Variants in SPEF2 observed in about 807,000 individuals in gnomAD.
SPEF2 encodes the protein sperm flagellar and cilia associated 2.
SPEF2 carries 187 observed loss-of-function variants against 224.6 expected under a neutral mutation model. The ratio of observed to expected loss-of-function variants is 0.83; its 90% CI spans 0.74 to 0.94. The LOEUF (loss-of-function observed/expected upper bound fraction) is 0.94, where lower values mean the gene tolerates loss of function less well. Ranked by LOEUF, SPEF2 falls within the 40% of genes least tolerant of loss-of-function variation. The pLI, the probability that SPEF2 is intolerant of heterozygous loss-of-function variation, is 0.00. For synonymous variants in SPEF2, 715 were observed against 707.3 expected (o/e 1.01, Z -0.17); for missense variants, 2,170 against 2,135.6 (o/e 1.02, Z -0.32).
chr5:35,648,528 G>A, intron 5 of SPEF2, among the ~76,000 whole-genome samples: 1 of 152,012 alleles, frequency 6.6e-6, no homozygotes, highest in Non-Finnish European at 1.5e-5. Context: ...GGGACTACAG[G>A]TCCGCAAGGC....
intron 1 of SPEF2, among the ~76,000 whole-genome samples, chr5:35,620,989 G>A (rs769052650): frequency 4.6e-5 from 7 of 152,306 alleles, no homozygotes; most frequent in Non-Finnish European, 8.8e-5. Flanking sequence ...TTACCCTGGG[G>A]AAGTGGAAGA....
At chr5:35,701,812 C>T (rs1466445869) in intron 16 of SPEF2, among the ~76,000 whole-genome samples, 3 of 152,064 alleles carry the variant, frequency 2.0e-5, no homozygotes, top group Non-Finnish European at 4.4e-5. Flanking sequence ...GGCCCTGTCT[C>T]TACAAAAAAT....
intron 1 of SPEF2, among the ~76,000 whole-genome samples, chr5:35,625,796 A>G (rs1372659012): frequency 6.6e-6 from 1 of 152,166 alleles, no homozygotes; most frequent in Non-Finnish European, 1.5e-5. Flanking sequence ...CATGGTGGCA[A>G]CGAGAGCTTT....
chr5:35,688,971 T>C (rs1754045511), intron 10 of SPEF2, among the ~76,000 whole-genome samples: 1 of 152,326 alleles, frequency 6.6e-6, no homozygotes, highest in Middle Eastern at 3.4e-3. Flanking sequence ...TGGGATGTTG[T>C]TTTTGTCAAT....
rs1580469495 is a variant in SPEF2, at chr5:35,727,552, A to G, written c.2915-123A>G. ...TAAGGATTTTTTGTAAGACTCCTCA[A>G]AAAAGCTTAAAAAGTAGTTAATGAA... On this transcript the variant is annotated intron_variant, in intron 20 of 36. Transcript: ENST00000356031. The G allele has an allele frequency of 7.8e-6, 6 of 770,024 alleles. No homozygotes were observed. In the East Asian group the frequency reaches 1.7e-4, roughly 22 times the overall value. The allele number at this position is 770,024 out of a possible 1,614,324, so 47.7% of individuals were successfully genotyped here.
At chr5:35,636,975 C>CA (rs1168479903) in intron 2 of SPEF2, among the ~76,000 whole-genome samples, 1,704 of 58,248 alleles carry the variant, frequency 0.029, 33 homozygotes, top group East Asian at 0.17. Context: ...GACTCTGTCT[C>CA]AAAAAAAAAA....
chr5:35,627,637 T>A (rs1425106494), intron 1 of SPEF2, among the ~76,000 whole-genome samples: 1 of 152,196 alleles, frequency 6.6e-6, no homozygotes, highest in Non-Finnish European at 1.5e-5. Context: ...TCTGCACTTA[T>A]CATTATGTGC....
chr5:35,676,323 C>G (rs1171265713), intron 10 of SPEF2, among the ~76,000 whole-genome samples: 1 of 152,104 alleles, frequency 6.6e-6, no homozygotes, highest in Admixed American at 6.5e-5. Flanking sequence ...TTGTTCTCTA[C>G]CTACTTTGGC....
chr5:35,727,660 A>G lies in SPEF2; in HGVS notation c.2915-15A>G. On this transcript the variant is annotated splice_polypyrimidine_tract_variant and intron_variant, in intron 20 of 36. Transcript: ENST00000356031. ...CATTTACTTGTATTGGAATAATTTG[A>G]TATGCATGTTTAAGGTTCTCCTAAA... The G allele has an allele frequency of 6.2e-7, 1 of 1,608,054 alleles. No individual in the cohort carries two copies. The highest frequency in any genetic ancestry group is 8.5e-7 in the Non-Finnish European group (1 of 1,175,896).
At chr5:35,748,368 C>A (rs1410940359) in intron 23 of SPEF2, among the ~76,000 whole-genome samples, 2 of 151,874 alleles carry the variant, frequency 1.3e-5, no homozygotes, top group South Asian at 2.1e-4. Flanking sequence ...AAAAAAAATA[C>A]AAAAGACAAA....
intron 33 of SPEF2, among the ~76,000 whole-genome samples, chr5:35,798,874 G>A (rs1757037671): frequency 6.6e-6 from 1 of 152,132 alleles, no homozygotes; most frequent in Non-Finnish European, 1.5e-5. Context: ...TGGGATTACA[G>A]ACATGAGCCA....
chr5:35,814,569 AT>A lies in SPEF2; in HGVS notation c.*23del, dbSNP rs772630792. On this transcript the variant is annotated 3_prime_UTR_variant, in exon 37 of 37. Transcript: ENST00000356031. ...AAAGAAATGAAGACAAAAGAGTGTG[AT>A]TTTTTTAATTCTGCAATAAATCTTC... 6.6e-7 allele frequency: 1 copy of A among 1,521,070 alleles called. No homozygotes were observed. The highest frequency in any genetic ancestry group is 9.0e-7 in the Non-Finnish European group (1 of 1,112,270). 94.2% of individuals were successfully genotyped at this position (1,521,070 alleles called of 1,614,324 possible). A position where few individuals can be genotyped will look rare whatever the true frequency, so the allele number is the denominator to read the frequency against.
rs1747057826 is a variant in SPEF2, at chr5:35,644,430, A to G, written c.490A>G (p.Lys164Glu). ...TACATACAGGTTTCAAGAAAAATAT[A>G]AACACGTGAAAGAAGATCTTGCCCA... ...RITYRFQEKY[K>E]HVKEDLAHLH... The change falls in exon 4 of 37, where the codon AAA becomes GAA. Residue 164 changes from lysine (K) to glutamate (E), a missense_variant. Physicochemically the swap from Lys to Glu is moderately conservative, Grantham distance 56. Transcript: ENST00000356031. 6 of 1,611,590 alleles carry G rather than the reference A, an allele frequency of 3.7e-6. No homozygotes were observed. The highest frequency in any genetic ancestry group is 5.1e-6 in the Non-Finnish European group (6 of 1,178,972).
chr5:35,722,711 C>T (rs1362390930), intron 20 of SPEF2, among the ~76,000 whole-genome samples: 1 of 138,522 alleles, frequency 7.2e-6, no homozygotes, highest in Non-Finnish European at 1.5e-5. Flanking sequence ...GTTCAATTCC[C>T]ACCTATGAGT....
intron 16 of SPEF2, among the ~76,000 whole-genome samples, 196 bp downstream of exon 16, chr5:35,700,948 A>G (rs548952954): frequency 6.6e-6 from 1 of 152,330 alleles, no homozygotes; most frequent in East Asian, 1.9e-4. Flanking sequence ...GCCGGGAACT[A>G]GTGAATTCCA....
chr5:35,722,042 A>G (rs1458289605), intron 20 of SPEF2, among the ~76,000 whole-genome samples: 3 of 152,110 alleles, frequency 2.0e-5, no homozygotes, highest in African/African-American at 7.2e-5. Context: ...GGCCTAGTAA[A>G]GGGGGGTAAA....
At chr5:35,647,579 A>C (rs1055986332) in intron 5 of SPEF2, among the ~76,000 whole-genome samples, 8 of 152,066 alleles carry the variant, frequency 5.3e-5, no homozygotes, top group Non-Finnish European at 1.5e-5. Flanking sequence ...CATGACCCGG[A>C]CACCTCCCGT....
intron 26 of SPEF2, among the ~76,000 whole-genome samples, chr5:35,765,213 C>A (rs771349687): frequency 6.6e-6 from 1 of 152,104 alleles, no homozygotes; most frequent in Non-Finnish European, 1.5e-5. Flanking sequence ...GGACTCATAT[C>A]TTTTGTCTTT....
At chr5:35,647,608 C>A (rs933105615) in intron 5 of SPEF2, among the ~76,000 whole-genome samples, 6 of 152,148 alleles carry the variant, frequency 3.9e-5, no homozygotes, top group African/African-American at 1.4e-4. Flanking sequence ...ACCTTCAACA[C>A]TGGGATCAAA....
Sources: allele counts gnomAD v4.1 joint callset (sites outside exome capture counted in the v4.1 genomes callset), GRCh38; gene constraint gnomAD v4.1.1; transcripts MANE v1.5; gene names NCBI Gene and HGNC (gene_info 2026-07-23, HGNC 2026-07-21).